Variants in SLC26A7 observed in about 807,000 individuals in gnomAD.
SLC26A7 encodes the protein solute carrier family 26 member 7.
In SLC26A7, 59 loss-of-function variants were observed where a neutral mutation model predicts 82.5. The ratio of observed to expected loss-of-function variants is 0.72; its 90% CI spans 0.58 to 0.89. SLC26A7 has a LOEUF of 0.89. SLC26A7 is among the 40% of genes least tolerant of loss of function. SLC26A7 has a pLI of 0.00. For synonymous variants in SLC26A7, 271 were observed against 274.3 expected, an observed-to-expected ratio of 0.99 and a Z score of 0.12; for missense variants, 820 against 793.0, an observed-to-expected ratio of 1.03 and a Z score of -0.41.
intron 2 of SLC26A7, among the ~76,000 whole-genome samples, chr8:91,272,445 T>C (rs777074454): frequency 2.6e-5 from 4 of 152,138 alleles, no homozygotes; most frequent in Non-Finnish European, 5.9e-5. Context: ...ATGCAGAACA[T>C]ATAGCATGAA....
At chr8:91,232,563 G>C (rs1425251407) in intron 2 of SLC26A7, among the ~76,000 whole-genome samples, 1 of 152,300 alleles carries the variant, frequency 6.6e-6, no homozygotes, top group East Asian at 1.9e-4. Context: ...AACATGTCTT[G>C]CTGAATTTCA....
chr8:91,238,531 T>TTA (rs1177542066), intron 2 of SLC26A7, among the ~76,000 whole-genome samples: 5 of 149,214 alleles, frequency 3.4e-5, no homozygotes, highest in South Asian at 4.2e-4. Flanking sequence ...GAGAAAGGTT[T>TTA]TATATATATA....
In SLC26A7 at chr8:91,231,918, TAAC is replaced by T. The variant is rs570544952; in HGVS notation, c.-34+12917_-34+12919del. On this transcript the variant is annotated intron_variant, in intron 2 of 5. Transcript: ENST00000522862. Reference sequence around the variant, plus strand: ...TACAATGGCTTTTCCTTTGATATAATAACAACTTCATAGTCATAGTGATGGGTC... The same window carrying T: ...TACAATGGCTTTTCCTTTGATATAATAACTTCATAGTCATAGTGATGGGTC... 1.4e-4 allele frequency among the ~76,000 whole-genome samples: 21 copies of T among 152,302 alleles called. No homozygotes were observed. The South Asian group carries it at 3.7e-3, about 27-fold the overall frequency.
chr8:91,241,716 C>A (rs1810476279), intron 2 of SLC26A7, among the ~76,000 whole-genome samples: 1 of 152,046 alleles, frequency 6.6e-6, no homozygotes, highest in Non-Finnish European at 1.5e-5. Context: ...TCTTGAAAAA[C>A]ATTCTTTGTT....
chr8:91,362,337 C>G lies in SLC26A7; in HGVS notation c.1315-16C>G, dbSNP rs751023471. On this transcript the variant is annotated splice_polypyrimidine_tract_variant and intron_variant, in intron 11 of 18. Transcript: ENST00000276609. ...TCCAAAGGATTCACAACTTCTGTTT[C>G]TTGTTTCTCTTTCAGGGAATATGGG... The G allele has an allele frequency of 6.3e-7, 1 of 1,586,156 alleles. No individual in the cohort carries two copies. The highest frequency in any genetic ancestry group is 1.7e-5 in the Admixed American group (1 of 58,062).
intron 2 of SLC26A7, among the ~76,000 whole-genome samples, chr8:91,221,701 G>A (rs531081720): frequency 6.4e-4 from 98 of 152,100 alleles, no homozygotes; most frequent in Non-Finnish European, 1.2e-3. Context: ...TATTATTTCT[G>A]AGGCCTCTGT....
At chr8:91,287,836 G>A (rs1811752367) in intron 2 of SLC26A7, among the ~76,000 whole-genome samples, 1 of 152,156 alleles carries the variant, frequency 6.6e-6, no homozygotes, top group Non-Finnish European at 1.5e-5. Context: ...TACTAATGAA[G>A]CTTCAAGACC....
At position 91,351,799 on chromosome 8, in the gene SLC26A7, G is replaced by C. The variant is rs1813723210; in HGVS notation, c.1141-11G>C. Reference sequence around the variant, plus strand: ...TTTCTTTTTCCTTTTTGTCTGTCTTGTATTTTACAGGTGGCTTGTCTAATA... The same window carrying C: ...TTTCTTTTTCCTTTTTGTCTGTCTTCTATTTTACAGGTGGCTTGTCTAATA... On this transcript the variant is annotated splice_polypyrimidine_tract_variant and intron_variant, in intron 9 of 18. Coordinates refer to ENST00000276609, the MANE Select transcript of SLC26A7 (RefSeq NM_052832.4). 6.3e-7 allele frequency: 1 copy of C among 1,593,360 alleles called. No individual in the cohort carries two copies. The highest frequency in any genetic ancestry group is 1.3e-5 in the African/African-American group (1 of 74,306).
chr8:91,304,921 G>A (rs1812262294), intron 4 of SLC26A7, among the ~76,000 whole-genome samples: 3 of 152,142 alleles, frequency 2.0e-5, no homozygotes, highest in Non-Finnish European at 4.4e-5. Flanking sequence ...TGTCTTTCAA[G>A]GTTCAGCTCA....
chr8:91,307,745 C>T (rs1441812851), intron 4 of SLC26A7, among the ~76,000 whole-genome samples: 2 of 145,640 alleles, frequency 1.4e-5, no homozygotes, highest in African/African-American at 2.5e-5. Flanking sequence ...CACATGTATA[C>T]ATATGTAACT....
At chr8:91,217,053 G>T (rs10093786) in intron 1 of SLC26A7, among the ~76,000 whole-genome samples, 103,290 of 151,900 alleles carry the variant, frequency 0.68, 35,486 homozygotes, top group Middle Eastern at 0.76. Flanking sequence ...GGTGTCTCCT[G>T]TCTCTGCACT....
intron 2 of SLC26A7, among the ~76,000 whole-genome samples, chr8:91,279,130 TATATATATATATATATATATATATA>T (rs1811490198): frequency 5.9e-5 from 1 of 17,090 alleles, no homozygotes; most frequent in South Asian, 2.5e-3. Context: ...TGTGTGTATA[TATATATATATATATATATATATATA>T]TATATATATA....
chr8:91,361,340 T>A (rs1422143052), intron 11 of SLC26A7, among the ~76,000 whole-genome samples: 1 of 152,144 alleles, frequency 6.6e-6, no homozygotes, highest in Non-Finnish European at 1.5e-5. Context: ...TCCCCAAGAT[T>A]GTATGCTATT....
At chr8:91,290,784 C>T (rs1363710424) in intron 3 of SLC26A7, among the ~76,000 whole-genome samples, 3 of 152,142 alleles carry the variant, frequency 2.0e-5, no homozygotes, top group African/African-American at 7.2e-5. Context: ...TACATTGATA[C>T]ACATATTTTC....
At chr8:91,217,810 T>C (rs927200561) in intron 1 of SLC26A7, among the ~76,000 whole-genome samples, 30 of 152,270 alleles carry the variant, frequency 2.0e-4, no homozygotes, top group African/African-American at 6.3e-4. Context: ...AATATCTTTG[T>C]AGGAAAAAAG....
chr8:91,272,884 C>G (rs1333676494), intron 2 of SLC26A7, among the ~76,000 whole-genome samples: 1 of 151,946 alleles, frequency 6.6e-6, no homozygotes, highest in East Asian at 1.9e-4. Flanking sequence ...TTAGGAGAGA[C>G]TAGTTAGGAG....
intron 2 of SLC26A7, among the ~76,000 whole-genome samples, chr8:91,281,629 G>A (rs531684232): frequency 7.9e-5 from 12 of 152,264 alleles, no homozygotes; most frequent in African/African-American, 2.6e-4. Flanking sequence ...CATTCTTATA[G>A]GATGTGAAAG....
intron 6 of SLC26A7, among the ~76,000 whole-genome samples, chr8:91,335,728 C>T (rs1385601279): frequency 6.6e-6 from 1 of 152,170 alleles, no homozygotes; most frequent in Non-Finnish European, 1.5e-5. Context: ...AGTACCAATG[C>T]AAGCCCAAAT....
At chr8:91,343,218 T>C in intron 8 of SLC26A7, 135 bp from the exon 9 acceptor site, 1 of 600,284 alleles carries the variant, frequency 1.7e-6, no homozygotes, top group South Asian at 2.2e-5. Flanking sequence ...ATTTGTATTG[T>C]AATTGTTAAA....
Sources: allele counts gnomAD v4.1 joint callset (sites outside exome capture counted in the v4.1 genomes callset), GRCh38; gene constraint gnomAD v4.1.1; transcripts MANE v1.5; gene names NCBI Gene and HGNC (gene_info 2026-07-23, HGNC 2026-07-21).